Variants in TRAPPC9 observed in about 807,000 individuals in gnomAD.
TRAPPC9 encodes the protein trafficking protein particle complex subunit 9.
TRAPPC9 carries 83 observed loss-of-function variants against 124.0 expected under a neutral mutation model. The observed-to-expected ratio is 0.67, with a 90% CI of 0.56 to 0.80. The LOEUF (loss-of-function observed/expected upper bound fraction) is 0.80, where lower values mean the gene tolerates loss of function less well. Among genes scored for constraint, TRAPPC9 ranks in the 30% least tolerant of loss-of-function variants. The pLI is 0.00. For missense variants in TRAPPC9, 1,302 were observed against 1,508.3 expected (o/e 0.86, Z 2.27); for synonymous variants, 638 against 617.5 (o/e 1.03, Z -0.49).
intron 5 of TRAPPC9, among the ~76,000 whole-genome samples, chr8:140,411,186 A>T (rs2069694976): frequency 6.6e-6 from 1 of 152,176 alleles, no homozygotes. Flanking sequence ...GAACTTCTCA[A>T]AGGGCCTAGA....
chr8:139,972,706 T>A (rs1488967884), intron 19 of TRAPPC9, among the ~76,000 whole-genome samples: 1 of 152,196 alleles, frequency 6.6e-6, no homozygotes, highest in African/African-American at 2.4e-5. Flanking sequence ...GTACCTCAAC[T>A]AAGCCTCAGC....
rs1251774517 is a variant in TRAPPC9, at chr8:140,216,817, G to A, written c.2556+4642C>T. Among the ~76,000 whole-genome samples, 9 of 152,110 alleles carry A rather than the reference G, an allele frequency of 5.9e-5. No homozygotes were observed. The highest frequency in any genetic ancestry group is 1.9e-4 in the East Asian group (1 of 5,200). On this transcript the variant is annotated intron_variant, in intron 17 of 22. Coordinates refer to ENST00000438773, the MANE Select transcript of TRAPPC9 (RefSeq NM_001160372.4). This position sits in a 1 kb window ranked among gnomAD's most constrained non-coding sequence, Gnocchi z 4.1. ...CAACTTCCTCTCACAGGCCTTCCTC[G>A]ACTTCCTCCGTGCAGCCATAGCAAC... is the stretch of plus-strand genomic sequence containing the variant.
At chr8:139,819,755 T>C (rs1366240989) in intron 21 of TRAPPC9, among the ~76,000 whole-genome samples, 1 of 152,076 alleles carries the variant, frequency 6.6e-6, no homozygotes, top group East Asian at 1.9e-4. Flanking sequence ...GGCTCACATC[T>C]GTAATCCCAA....
intron 21 of TRAPPC9, among the ~76,000 whole-genome samples, chr8:139,766,624 A>G (rs1379557356): frequency 6.6e-6 from 1 of 152,136 alleles, no homozygotes; most frequent in East Asian, 1.9e-4. Flanking sequence ...GCTCCTCCTC[A>G]TTGATAACGA....
chr8:140,165,113 C>A (rs1452010559), intron 17 of TRAPPC9, among the ~76,000 whole-genome samples: 2 of 152,158 alleles, frequency 1.3e-5, no homozygotes, highest in African/African-American at 2.4e-5. Context: ...CACTGGCTCA[C>A]ACTTGTAATC....
At position 139,878,791 on chromosome 8, in the gene TRAPPC9, C is replaced by T. The variant is rs572298852; in HGVS notation, c.3055+7088G>A. Among the ~76,000 whole-genome samples the T allele has an allele frequency of 9.2e-5, 14 of 152,214 alleles. No individual in the cohort carries two copies. The South Asian group carries it at 2.7e-3, about 29-fold the overall frequency. On this transcript the variant is annotated intron_variant, in intron 21 of 22. Coordinates refer to ENST00000438773, the MANE Select transcript of TRAPPC9 (RefSeq NM_001160372.4). ...ACCAGCCTGGGCAACATAGGGAGAC[C>T]CCATCTCTACAAAAATTAACAAATA...
chr8:140,338,724 C>A (rs1171855552), intron 9 of TRAPPC9, among the ~76,000 whole-genome samples: 2 of 150,668 alleles, frequency 1.3e-5, no homozygotes, highest in Non-Finnish European at 3.0e-5. Flanking sequence ...CGACGGGAAA[C>A]GGCTCAGAGA....
chr8:140,351,702 C>T (rs1374321300), intron 9 of TRAPPC9, among the ~76,000 whole-genome samples: 3 of 151,986 alleles, frequency 2.0e-5, no homozygotes, highest in Non-Finnish European at 4.4e-5. Context: ...CTTGAGTATC[C>T]CTAGGTTTTG....
Position 139,742,740 on chromosome 8 carries a change from C to A in TRAPPC9, c.3056-10538G>T, listed in dbSNP as rs1010024872. On this transcript the variant is annotated intron_variant, in intron 21 of 22. Coordinates refer to ENST00000438773, the MANE Select transcript of TRAPPC9 (RefSeq NM_001160372.4). This position sits in a 1 kb window ranked among gnomAD's most constrained non-coding sequence, Gnocchi z 4.7. ...ATGCACGGTTGCTTTCAACTCTGAT[C>A]TGCAGGCTGGGTGGGGGTAGGCAGC... Among the ~76,000 whole-genome samples the A allele has an allele frequency of 2.0e-5, 3 of 152,220 alleles. No individual in the cohort carries two copies. Among genetic ancestry groups the A allele is most frequent in the Non-Finnish European group, 4.4e-5 (3 of 68,044 alleles).
chr8:140,260,133 C>A (rs150278336), intron 15 of TRAPPC9, among the ~76,000 whole-genome samples: 86 of 152,200 alleles, frequency 5.7e-4, no homozygotes, highest in African/African-American at 1.9e-3. Context: ...ACGCTCACAC[C>A]TATACACACA....
At chr8:140,160,305 C>A (rs577398222) in intron 17 of TRAPPC9, among the ~76,000 whole-genome samples, 1 of 152,120 alleles carries the variant, frequency 6.6e-6, no homozygotes, top group Non-Finnish European at 1.5e-5. Context: ...GGTATATACC[C>A]AAAGGATTAT....
At chr8:140,402,859 A>C (rs1235528726) in intron 6 of TRAPPC9, among the ~76,000 whole-genome samples, 1 of 152,186 alleles carries the variant, frequency 6.6e-6, no homozygotes, top group African/African-American at 2.4e-5. Context: ...AAAAGAAAAA[A>C]ATATGAATTC....
intron 17 of TRAPPC9, among the ~76,000 whole-genome samples, chr8:140,083,068 C>T (rs927073155): frequency 1.3e-5 from 2 of 152,130 alleles, no homozygotes; most frequent in African/African-American, 4.8e-5. Context: ...TGGCATGTGC[C>T]TGTAGTCCCA....
chr8:140,350,203 C>G (rs1011608595), intron 9 of TRAPPC9, among the ~76,000 whole-genome samples: 8 of 152,210 alleles, frequency 5.3e-5, no homozygotes, highest in Non-Finnish European at 1.2e-4. Context: ...TCTGAAGCAA[C>G]AAACTTTGCT....
chr8:140,018,473 A>G (rs1839626803), intron 18 of TRAPPC9, among the ~76,000 whole-genome samples: 1 of 151,602 alleles, frequency 6.6e-6, no homozygotes, highest in Admixed American at 6.6e-5. Context: ...ACAGGTGCCC[A>G]CCACCACGCC....
At chr8:140,418,366 C>T (rs1269114946) in intron 5 of TRAPPC9, among the ~76,000 whole-genome samples, 1 of 152,084 alleles carries the variant, frequency 6.6e-6, no homozygotes, top group Non-Finnish European at 1.5e-5. Flanking sequence ...GCTAATGTTG[C>T]CCTAATACCA....
At chr8:140,393,084 T>G (rs189468717) in intron 7 of TRAPPC9, among the ~76,000 whole-genome samples, 132 of 151,674 alleles carry the variant, frequency 8.7e-4, no homozygotes, top group South Asian at 3.7e-3. Context: ...TTTATTTTAT[T>G]TTTTTAGATG....
At chr8:140,272,130 C>CAATGATGATGGTGGTGATGGTGATGGT (rs1450234909) in intron 15 of TRAPPC9, among the ~76,000 whole-genome samples, 6 of 100,382 alleles carry the variant, frequency 6.0e-5, no homozygotes, top group Admixed American at 2.0e-4. Flanking sequence ...GTGATGGTGG[C>CAATGATGATGGTGGTGATGGTGATGGT]GATGGTGATG....
At chr8:140,317,038 TTA>T (rs2066461374) in intron 9 of TRAPPC9, among the ~76,000 whole-genome samples, 1 of 152,196 alleles carries the variant, frequency 6.6e-6, no homozygotes, top group Non-Finnish European at 1.5e-5. Context: ...TTGTGATCTT[TTA>T]TGTTTCTGTG....
Sources: gnomAD v4.1 joint callset for allele counts (sites outside exome capture counted in the v4.1 genomes callset) on GRCh38, gnomAD v4.1.1 for gene constraint, Gnocchi (gnomAD v3.1) non-coding constraint, MANE v1.5 for transcripts, NCBI Gene and HGNC (gene_info 2026-07-23, HGNC 2026-07-21) for gene names.